Variants in PRTFDC1 observed in about 807,000 individuals in gnomAD.
The protein encoded by PRTFDC1 is phosphoribosyl transferase domain containing 1, also known as phosphoribosyltransferase domain-containing protein 1.
A neutral mutation model predicts 34.6 loss-of-function variants in PRTFDC1; 38 were observed. The ratio of observed to expected loss-of-function variants is 1.10; its 90% CI spans 0.85 to 1.44. The LOEUF (loss-of-function observed/expected upper bound fraction) is 1.44, where lower values mean the gene tolerates loss of function less well. PRTFDC1 is among the 40% of genes most tolerant of loss of function. The pLI is 0.00. For missense variants in PRTFDC1, 270 were observed against 283.0 expected (o/e 0.95, Z 0.33); for synonymous variants, 93 against 98.1 (o/e 0.95, Z 0.31).
intron 4 of PRTFDC1, among the ~76,000 whole-genome samples, chr10:24,871,062 C>A (rs1261831530): frequency 2.8e-5 from 3 of 106,136 alleles, no homozygotes; most frequent in Non-Finnish European, 5.5e-5. Flanking sequence ...CAGAGCAAGA[C>A]TCTGTCTAAA....
intron 2 of PRTFDC1, among the ~76,000 whole-genome samples, chr10:24,939,793 CAAAAAAAAAAAA>C (rs55974992): frequency 1.4e-5 from 1 of 71,540 alleles, no homozygotes; most frequent in Admixed American, 1.9e-4. Flanking sequence ...GACTCTATCT[CAAAAAAAAAAAA>C]AAAAAAAAAA....
At chr10:24,931,792 G>C (rs886744452) in intron 3 of PRTFDC1, among the ~76,000 whole-genome samples, 11 of 151,182 alleles carry the variant, frequency 7.3e-5, no homozygotes, top group African/African-American at 2.7e-4. Flanking sequence ...AAATACCAAA[G>C]ACGAATTAGT....
At chr10:24,903,087 A>C (rs558181355) in intron 3 of PRTFDC1, among the ~76,000 whole-genome samples, 1 of 152,218 alleles carries the variant, frequency 6.6e-6, no homozygotes, top group Non-Finnish European at 1.5e-5. Context: ...AATCCCAGCT[A>C]TTCAGGAGGC....
intron 4 of PRTFDC1, among the ~76,000 whole-genome samples, chr10:24,870,050 G>A (rs1025638345): frequency 3.3e-5 from 5 of 152,156 alleles, no homozygotes; most frequent in Admixed American, 1.3e-4. Flanking sequence ...AAGCCCTAAG[G>A]TAAACATTGC....
At chr10:24,950,982 AATG>A (rs1333750340) in intron 1 of PRTFDC1, among the ~76,000 whole-genome samples, 1 of 152,174 alleles carries the variant, frequency 6.6e-6, no homozygotes, top group African/African-American at 2.4e-5. Flanking sequence ...GAATGAACTT[AATG>A]ATTGCCCTTT....
chr10:24,879,160 T>C (rs1044204058), intron 3 of PRTFDC1, among the ~76,000 whole-genome samples: 7 of 152,284 alleles, frequency 4.6e-5, no homozygotes, highest in African/African-American at 1.7e-4. Context: ...ACAGGTGAAT[T>C]GATTCCAGTA....
At position 24,943,903 on chromosome 10, in the gene PRTFDC1, C is replaced by G. The variant is rs1849211236; in HGVS notation, c.49-1467G>C. On this transcript the variant is annotated intron_variant, in intron 1 of 8. Transcript: ENST00000320152. ...TGCACACTTTGACTCCTCTGTCCAG[C>G]TTTGAGCTTCTGAGGCCTTTCACAA... 2.0e-5 allele frequency among the ~76,000 whole-genome samples: 3 copies of G among 152,236 alleles called. No individual in the cohort carries two copies. In the South Asian group the frequency reaches 6.2e-4, roughly 32 times the overall value.
chr10:24,856,520 G>A (rs986390549), intron 6 of PRTFDC1, among the ~76,000 whole-genome samples: 4 of 152,062 alleles, frequency 2.6e-5, no homozygotes, highest in Non-Finnish European at 4.4e-5. Context: ...CCCAGGGGGT[G>A]GAGGTTGCAG....
At chr10:24,901,025 A>G (rs1848441619) in intron 3 of PRTFDC1, among the ~76,000 whole-genome samples, 1 of 152,234 alleles carries the variant, frequency 6.6e-6, no homozygotes, top group Admixed American at 6.5e-5. Context: ...AGTACAACTC[A>G]GAATCATATT....
At chr10:24,887,769 A>G (rs1588593353) in intron 3 of PRTFDC1, among the ~76,000 whole-genome samples, 1 of 150,014 alleles carries the variant, frequency 6.7e-6, no homozygotes, top group Non-Finnish European at 1.5e-5. Flanking sequence ...CCTGAACCTC[A>G]CCCCACCACA....
At chr10:24,900,862 G>C (rs759571191) in intron 3 of PRTFDC1, among the ~76,000 whole-genome samples, 52 of 152,102 alleles carry the variant, frequency 3.4e-4, no homozygotes, top group Non-Finnish European at 5.7e-4. Context: ...TATGCATAAA[G>C]CTTGTACCTA....
At chr10:24,933,685 G>T (rs1849003717) in intron 3 of PRTFDC1, among the ~76,000 whole-genome samples, 1 of 141,638 alleles carries the variant, frequency 7.1e-6, no homozygotes, top group Admixed American at 7.5e-5. Flanking sequence ...TGGGAAAAGA[G>T]TTTGGCAATT....
Position 24,912,290 on chromosome 10 carries a change from AAAAAAG to A in PRTFDC1, c.339+24888_339+24893del, listed in dbSNP as rs1183742503. 9.5e-3 allele frequency among the ~76,000 whole-genome samples: 1,396 copies of A among 146,724 alleles called. 66 individuals carry two copies. Among genetic ancestry groups the A allele is most frequent in the African/African-American group, 0.034 (1,335 of 38,978 alleles). ...TCTCAAAAAAAAAAAAAAAAAAAAA[AAAAAAG>A]AAAGAAATTGCTGAAGAGTTTTTTT... On this transcript the variant is annotated intron_variant, in intron 3 of 8. Transcript: ENST00000320152.
At chr10:24,873,634 C>G (rs1221122928) in intron 3 of PRTFDC1, among the ~76,000 whole-genome samples, 2 of 152,166 alleles carry the variant, frequency 1.3e-5, no homozygotes, top group African/African-American at 4.8e-5. Flanking sequence ...GCAGTGCAGG[C>G]CAACCAGCTG....
At chr10:24,908,713 G>T in intron 3 of PRTFDC1, 1 of 1,554,920 alleles carries the variant, frequency 6.4e-7, no homozygotes, top group Non-Finnish European at 8.7e-7. Flanking sequence ...ATGGAGCAGT[G>T]AGGGAGGAAG....
At chr10:24,915,690 C>A (rs186749971) in intron 3 of PRTFDC1, among the ~76,000 whole-genome samples, 1 of 152,330 alleles carries the variant, frequency 6.6e-6, no homozygotes, top group East Asian at 1.9e-4. Flanking sequence ...CTATTAACTG[C>A]ATTCAGTGGC....
chr10:24,936,272 G>A (rs1849049611), intron 3 of PRTFDC1, among the ~76,000 whole-genome samples: 1 of 151,924 alleles, frequency 6.6e-6, no homozygotes, highest in African/African-American at 2.4e-5. Context: ...GGAGGAGGGA[G>A]ACTAAGGAAA....
chr10:24,896,358 G>C (rs1590563), intron 3 of PRTFDC1, among the ~76,000 whole-genome samples: 15,694 of 152,152 alleles, frequency 0.1, 1,112 homozygotes, highest in East Asian at 0.29. Context: ...AGTTTCATCT[G>C]GAAACCATCC....
rs1847487887 is a variant in PRTFDC1 at position 24,851,458 on chromosome 10, C to A, written c.560G>T (p.Gly187Val). 6.2e-7 allele frequency: 1 copy of A among 1,610,372 alleles called. No individual in the cohort carries two copies. The change falls in exon 8 of 9, where the codon GGA becomes GTA. Residue 187 changes from glycine to valine, a missense_variant. Physicochemically the swap from Gly to Val is moderately radical, Grantham distance 109. Transcript: ENST00000320152. Reference sequence around the variant, plus strand: ...CACAAATAAGTTTGGAATCTCAAATCCAGCATCTTAGCAGACAGAGAAAGA... The same window carrying A: ...CACAAATAAGTTTGGAATCTCAAATACAGCATCTTAGCAGACAGAGAAAGA... ...RSDGFRPDYA[G>V]FEIPNLFVVG...
Sources: gnomAD v4.1 joint callset for allele counts (sites outside exome capture counted in the v4.1 genomes callset) on GRCh38, gnomAD v4.1.1 for gene constraint, MANE v1.5 for transcripts, NCBI Gene and HGNC (gene_info 2026-07-23, HGNC 2026-07-21) for gene names.